Variants in MAN1A1 observed in about 807,000 individuals in gnomAD.
The protein encoded by MAN1A1 is mannosyl-oligosaccharide 1,2-alpha-mannosidase IA.
Under a neutral mutation model 70.8 loss-of-function variants are expected in MAN1A1, and 29 were observed. The observed-to-expected ratio is 0.41, with a 90% CI of 0.31 to 0.56. The LOEUF is 0.56. Among genes scored for constraint, MAN1A1 ranks in the 20% least tolerant of loss-of-function variants. The probability of loss-of-function intolerance (pLI) is 0.29; values close to 1 mark genes in which losing one functional copy is unlikely to be tolerated. For missense variants in MAN1A1, 747 were observed against 841.3 expected, an observed-to-expected ratio of 0.89 and a Z score of 1.39; for synonymous variants, 349 against 330.1, an observed-to-expected ratio of 1.06 and a Z score of -0.62.
intron 6 of MAN1A1, among the ~76,000 whole-genome samples, chr6:119,218,559 T>TAA (rs928685895): frequency 1.4e-5 from 2 of 145,326 alleles, no homozygotes; most frequent in East Asian, 2.0e-4. Flanking sequence ...ATAACATCGA[T>TAA]AAAAAAAAAA....
At chr6:119,286,121 T>A (rs1448574439) in intron 5 of MAN1A1, among the ~76,000 whole-genome samples, 1 of 152,150 alleles carries the variant, frequency 6.6e-6, no homozygotes, top group Admixed American at 6.6e-5. Context: ...TTTCTGGCAC[T>A]CTGATTTTTT....
chr6:119,310,145 C>A (rs7769133), intron 2 of MAN1A1, among the ~76,000 whole-genome samples: 1,813 of 152,262 alleles, frequency 0.012, 39 homozygotes, highest in African/African-American at 0.042. Flanking sequence ...AGTTTAATGT[C>A]CTGATCTAAT....
intron 2 of MAN1A1, among the ~76,000 whole-genome samples, chr6:119,334,997 C>T (rs546035160): frequency 2.0e-5 from 3 of 152,292 alleles, no homozygotes; most frequent in East Asian, 1.9e-4. Context: ...CCACTCCATT[C>T]AACACCCTCT....
At chr6:119,307,013 A>T (rs752488027) in intron 2 of MAN1A1, 21 bp from the exon 3 acceptor site, 1 of 1,481,000 alleles carries the variant, frequency 6.8e-7, no homozygotes, top group Admixed American at 1.7e-5. Context: ...AAATAAAAAC[A>T]GGATTATAAT....
At chr6:119,196,922 C>T (rs1036996540) in intron 8 of MAN1A1, among the ~76,000 whole-genome samples, 1 of 152,170 alleles carries the variant, frequency 6.6e-6, no homozygotes, top group African/African-American at 2.4e-5. Flanking sequence ...AAGATCAGTT[C>T]ATATTATCAG....
chr6:119,283,029 G>A (rs2114401869), intron 5 of MAN1A1, among the ~76,000 whole-genome samples: 1 of 152,238 alleles, frequency 6.6e-6, no homozygotes, highest in Middle Eastern at 3.4e-3. Flanking sequence ...TCTACAAATA[G>A]TCTCCAGCTG....
At chr6:119,277,889 A>G (rs1278478604) in intron 5 of MAN1A1, among the ~76,000 whole-genome samples, 1 of 143,112 alleles carries the variant, frequency 7.0e-6, no homozygotes, top group African/African-American at 2.6e-5. Context: ...GTGAGCCGAG[A>G]CTGCACAACT....
At chr6:119,251,117 T>A (rs1429822538) in intron 5 of MAN1A1, among the ~76,000 whole-genome samples, 1 of 151,988 alleles carries the variant, frequency 6.6e-6, no homozygotes, top group Non-Finnish European at 1.5e-5. Flanking sequence ...ATGCACGATT[T>A]AAAAAAAAGA....
chr6:119,349,890 T>C, upstream of MAN1A1: 1 of 384,718 alleles, frequency 2.6e-6, no homozygotes, highest in Non-Finnish European at 3.6e-6. Flanking sequence ...AGGAGGGGGA[T>C]GCGCGGGGCG....
chr6:119,219,391 G>A (rs1213870258), intron 6 of MAN1A1, among the ~76,000 whole-genome samples: 2 of 152,130 alleles, frequency 1.3e-5, no homozygotes, highest in East Asian at 3.8e-4. Context: ...TCTTGGGCAT[G>A]TCCCTTCAAG....
intron 6 of MAN1A1, among the ~76,000 whole-genome samples, chr6:119,234,506 T>G (rs1774785641): frequency 6.6e-6 from 1 of 152,092 alleles, no homozygotes. Flanking sequence ...CTTGATCTCC[T>G]GGACTCAAGC....
chr6:119,294,603 G>C (rs774909919), intron 4 of MAN1A1, among the ~76,000 whole-genome samples: 1 of 152,002 alleles, frequency 6.6e-6, no homozygotes, highest in Non-Finnish European at 1.5e-5. Flanking sequence ...AGTACATCCC[G>C]TCTTTTATTT....
rs147082294 is a variant in MAN1A1, at chr6:119,215,678, A to G, written c.993-10796T>C. Among the ~76,000 whole-genome samples, 31 of 152,324 alleles carry G rather than the reference A, an allele frequency of 2.0e-4. 1 individual carries two copies. In the East Asian group the frequency reaches 5.6e-3, roughly 28 times the overall value. ...GTTCCTTCTTTTTCCTTGAATGTCA[A>G]TTTAAGTATAATAACAATATTTTTT... On this transcript the variant is annotated intron_variant, in intron 6 of 12. Transcript: ENST00000368468.
chr6:119,334,547 G>A (rs1237097180), intron 2 of MAN1A1, among the ~76,000 whole-genome samples: 1 of 152,108 alleles, frequency 6.6e-6, no homozygotes, highest in African/African-American at 2.4e-5. Flanking sequence ...AACATTAGTT[G>A]GTGTTCTGTT....
At chr6:119,226,036 A>G (rs1483018897) in intron 6 of MAN1A1, among the ~76,000 whole-genome samples, 1 of 152,218 alleles carries the variant, frequency 6.6e-6, no homozygotes, top group Non-Finnish European at 1.5e-5. Context: ...TTTTTTCGCA[A>G]AAGGTAAGAT....
chr6:119,213,731 C>A (rs557712714), intron 6 of MAN1A1, among the ~76,000 whole-genome samples: 2 of 152,284 alleles, frequency 1.3e-5, no homozygotes, highest in South Asian at 4.2e-4. Flanking sequence ...TAATAGATGC[C>A]ATTTTATAAC....
chr6:119,296,828 G>T (rs1281470626), intron 4 of MAN1A1, among the ~76,000 whole-genome samples: 1 of 152,114 alleles, frequency 6.6e-6, no homozygotes, highest in Admixed American at 6.6e-5. Flanking sequence ...ATTACAGGGT[G>T]TTGCTAGTTA....
chr6:119,287,971 G>A (rs1041714216), intron 5 of MAN1A1, among the ~76,000 whole-genome samples: 16 of 151,806 alleles, frequency 1.1e-4, no homozygotes, highest in Non-Finnish European at 2.2e-4. Flanking sequence ...CTTTTTTATG[G>A]TGCTACAAAA....
At chr6:119,201,395 TC>T in intron 7 of MAN1A1, 48 bp from the exon 8 acceptor site, 1 of 1,221,970 alleles carries the variant, frequency 8.2e-7, no homozygotes, top group South Asian at 1.2e-5. Flanking sequence ...AAAACAATTT[TC>T]ATGCCATTCT....
Sources: gnomAD v4.1 joint callset for allele counts (sites outside exome capture counted in the v4.1 genomes callset) on GRCh38, gnomAD v4.1.1 for gene constraint, MANE v1.5 for transcripts, NCBI Gene and HGNC (gene_info 2026-07-23, HGNC 2026-07-21) for gene names.